The following BAHCC1 variants were observed in gnomAD, a reference collection of about 807,000 sequenced individuals.
BAHCC1 encodes BAH and coiled-coil domain-containing protein 1.
Under a neutral mutation model 88.2 loss-of-function variants are expected in BAHCC1, and 43 were observed. The ratio of observed to expected loss-of-function variants is 0.49; its 90% CI spans 0.38 to 0.63. The LOEUF (loss-of-function observed/expected upper bound fraction) is 0.63, where lower values mean the gene tolerates loss of function less well. BAHCC1 is among the 20% of genes least tolerant of loss of function. The probability of loss-of-function intolerance (pLI) is 0.00; values close to 1 mark genes in which losing one functional copy is unlikely to be tolerated. For missense variants in BAHCC1, 3,023 were observed against 1,654.8 expected (o/e 1.83, Z -14.34); for synonymous variants, 1,510 against 745.5 (o/e 2.03, Z -16.71).
At chr17:81,407,722 A>G (rs1167760861) in intron 2 of BAHCC1, among the ~76,000 whole-genome samples, 1 of 152,224 alleles carries the variant, frequency 6.6e-6, no homozygotes, top group Non-Finnish European at 1.5e-5. Context: ...AGACCCCAGT[A>G]AGGATATCCC....
rs1227211980 is a variant in BAHCC1, at chr17:81,447,693, C to T, written c.3821C>T (p.Pro1274Leu). The T allele has an allele frequency of 5.4e-6, 4 of 735,698 alleles. No individual in the cohort carries two copies. The highest frequency in any genetic ancestry group is 1.0e-5 in the Non-Finnish European group (4 of 396,066). The allele number at this position is 735,698 out of a possible 1,614,324, so 45.6% of individuals were successfully genotyped here. The change falls in exon 11 of 28, where the codon CCC becomes CTC. Residue 1274 changes from proline (P) to leucine (L), a missense_variant. Coordinates refer to ENST00000675386, the MANE Select transcript of BAHCC1 (RefSeq NM_001377448.1). ...VAATINLGDL[P>L]SDSPPDPQPP... Reference sequence around the variant, plus strand: ...GCCACCATCAACCTGGGGGACCTGCCCAGCGACAGCCCACCGGACCCTCAG... The same window carrying T: ...GCCACCATCAACCTGGGGGACCTGCTCAGCGACAGCCCACCGGACCCTCAG...
intron 24 of BAHCC1, 55 bp from the exon 25 acceptor site, chr17:81,460,475 G>T: frequency 1.4e-6 from 1 of 726,362 alleles, no homozygotes; most frequent in African/African-American, 1.7e-5. Context: ...AAGGGTTGGG[G>T]TGGCAGTCAC....
At chr17:81,451,926 C>T (rs782460601) in intron 12 of BAHCC1, 45 bp from the exon 13 acceptor site, 9 of 645,780 alleles carry the variant, frequency 1.4e-5, no homozygotes, top group Non-Finnish European at 2.3e-5. Context: ...GAGCCCCAGC[C>T]TGGGCCCTGG....
intron 18 of BAHCC1, 64 bp downstream of exon 18, chr17:81,458,530 G>A (rs1245642687): frequency 1.8e-5 from 12 of 651,364 alleles, no homozygotes; most frequent in East Asian, 1.6e-4. Context: ...GGCCTTCCCC[G>A]CCCTCCCCCG....
In BAHCC1 at chr17:81,435,363, C is replaced by T. The variant is rs2064321170; in HGVS notation, c.359-3007C>T. 1.1e-5 allele frequency: 5 copies of T among 456,026 alleles called. No individual in the cohort carries two copies. The highest frequency in any genetic ancestry group is 4.7e-5 in the South Asian group (3 of 64,072). The allele number at this position is 456,026 out of a possible 1,614,324, so 28.2% of individuals were successfully genotyped here. On this transcript the variant is annotated intron_variant, in intron 3 of 27. Transcript: ENST00000675386. The surrounding 1 kb of genome is among the most constrained non-coding windows in gnomAD (Gnocchi z 4.4). ...ACTGAGTTTGGAGTCTCCTGCCCACCGCAGTAGCAGGGGCAGGATGTGGGG... is the reference window on the plus strand; with the variant it reads ...ACTGAGTTTGGAGTCTCCTGCCCACTGCAGTAGCAGGGGCAGGATGTGGGG...
At position 81,460,371 on chromosome 17, in the gene BAHCC1, G is replaced by A; in HGVS notation, c.6000G>A (p.Leu2000=). 1.3e-6 allele frequency: 1 copy of A among 770,050 alleles called. No homozygotes were observed. The highest frequency in any genetic ancestry group is 2.5e-5 in the East Asian group (1 of 40,722). The allele number at this position is 770,050 out of a possible 1,614,324, so 47.7% of individuals were successfully genotyped here. A position where few individuals can be genotyped will look rare whatever the true frequency, so the allele number is the denominator to read the frequency against. The change falls in exon 24 of 28, where the codon CTG becomes CTA. Residue 2000 remains leucine (L), a synonymous_variant. Transcript: ENST00000675386. The stretch of plus-strand genomic sequence containing the variant: ...ACATCGCCGTCTCCAACGTCAGGCT[G>A]CTGCCCCCTGACTTCAAGATCCAGT... The part of the protein sequence containing the change: ...TGHIAVSNVR[L]LPPDFKIQCT...
At chr17:81,401,128 G>A (rs2143175643) in intron 2 of BAHCC1, 1 of 152,396 alleles carries the variant, frequency 6.6e-6, no homozygotes, top group Non-Finnish European at 1.5e-5. Flanking sequence ...ACGGATGGCA[G>A]AGACGGGGCT....
chr17:81,421,623 A>G (rs2064116489), intron 2 of BAHCC1, among the ~76,000 whole-genome samples: 1 of 152,152 alleles, frequency 6.6e-6, no homozygotes, highest in Non-Finnish European at 1.5e-5. Flanking sequence ...GGAGAAATCC[A>G]CGCCTTTAGA....
chr17:81,410,729 C>T (rs12938984), intron 2 of BAHCC1, among the ~76,000 whole-genome samples: 1 of 152,024 alleles, frequency 6.6e-6, no homozygotes, highest in African/African-American at 2.4e-5. Flanking sequence ...AGAGAGCTTC[C>T]CAGTGGCAGA....
At chr17:81,398,815 G>A (rs1420573063) in intron 1 of BAHCC1, among the ~76,000 whole-genome samples, 2 of 152,076 alleles carry the variant, frequency 1.3e-5, no homozygotes, top group African/African-American at 2.4e-5. Flanking sequence ...GTCCTAGCGC[G>A]ATGCTGGGGA....
At chr17:81,415,146 A>T (rs2064003895) in intron 2 of BAHCC1, among the ~76,000 whole-genome samples, 1 of 152,264 alleles carries the variant, frequency 6.6e-6, no homozygotes, top group Middle Eastern at 3.4e-3. Context: ...GGAGGAGGGC[A>T]CCTGGCCGTG....
At position 81,461,579 on chromosome 17, in the gene BAHCC1, G is replaced by A. The variant is rs370746071; in HGVS notation, c.6916G>A (p.Val2306Met). 25 of 719,756 alleles carry A rather than the reference G, an allele frequency of 3.5e-5. No individual in the cohort carries two copies. The highest frequency in any genetic ancestry group is 2.3e-4 in the Middle Eastern group (1 of 4,360). The allele number at this position is 719,756 out of a possible 1,614,324, so 44.6% of individuals were successfully genotyped here. ...GGACGGGCCGGGGCTGGCGGCCGGC[G>A]TGCCCTCCCGCTTCCTCGCCCGCCT... ...DEDGPGLAAG[V>M]PSRFLARLSV... Residue 2306 changes from valine (V) to methionine (M), a missense_variant, in exon 26 of 28, where the codon GTG (valine) becomes ATG (methionine). Transcript: ENST00000675386.
intron 2 of BAHCC1, among the ~76,000 whole-genome samples, chr17:81,424,096 C>T (rs1214135457): frequency 1.3e-5 from 2 of 152,246 alleles, no homozygotes; most frequent in South Asian, 2.1e-4. Flanking sequence ...ACCCTTCCTT[C>T]CTCTGTCCCC....
At chr17:81,438,707 C>G (rs2064371929) in intron 4 of BAHCC1, among the ~76,000 whole-genome samples, 1 of 152,176 alleles carries the variant, frequency 6.6e-6, no homozygotes, top group Non-Finnish European at 1.5e-5. Context: ...GTTCAGTTCC[C>G]AGGTCACGCT....
chr17:81,441,149 G>T (rs1260542272), intron 4 of BAHCC1, among the ~76,000 whole-genome samples: 1 of 152,218 alleles, frequency 6.6e-6, no homozygotes, highest in East Asian at 1.9e-4. Flanking sequence ...ACTGGCCTCG[G>T]GTTTGCATCT....
chr17:81,428,774 AGCTG>A (rs2064228523), intron 3 of BAHCC1, among the ~76,000 whole-genome samples: 1 of 152,152 alleles, frequency 6.6e-6, no homozygotes, highest in Non-Finnish European at 1.5e-5. Flanking sequence ...GCCTGGGCGG[AGCTG>A]CCCACATCCC....
rs1555659117 is a variant in BAHCC1, at chr17:81,461,073, C to T, written c.6410C>T (p.Ala2137Val). 1 of 770,048 alleles carries T rather than the reference C, an allele frequency of 1.3e-6. No homozygotes were observed. The highest frequency in any genetic ancestry group is 2.4e-6 in the Non-Finnish European group (1 of 416,944). 47.7% of individuals were successfully genotyped at this position (770,048 alleles called of 1,614,324 possible). A position where few individuals can be genotyped will look rare whatever the true frequency, so the allele number is the denominator to read the frequency against. Residue 2137 changes from alanine (A) to valine (V), a missense_variant, in exon 26 of 28, where the codon GCC becomes GTC. Transcript: ENST00000675386. ...GSSKKLRARE[A>V]LFPVHSVATP... ...AGCAAGAAGCTGCGGGCCCGCGAGG[C>T]CCTGTTCCCCGTGCACAGCGTGGCC...
rs782619473 is a variant in BAHCC1, at chr17:81,442,862, C to T, written c.1513C>T (p.Arg505Trp). 4 of 779,454 alleles carry T rather than the reference C, an allele frequency of 5.1e-6. No individual in the cohort carries two copies. Among genetic ancestry groups the T allele is most frequent in the South Asian group, 2.7e-5 (2 of 74,618 alleles). 48.3% of individuals were successfully genotyped at this position (779,454 alleles called of 1,614,324 possible). ...ELPTSSQDCA[R>W]PGHQDPLGGK... ...GCCCACCTCTTCACAGGACTGTGCCCGGCCTGGTCACCAGGACCCGCTGGG... is the reference window on the plus strand; with the variant it reads ...GCCCACCTCTTCACAGGACTGTGCCTGGCCTGGTCACCAGGACCCGCTGGG... Residue 505 changes from arginine to tryptophan, a missense_variant, in exon 5 of 28, where the codon CGG (arginine) becomes TGG (tryptophan). Coordinates refer to ENST00000675386, the MANE Select transcript of BAHCC1 (RefSeq NM_001377448.1).
intron 15 of BAHCC1, among the ~76,000 whole-genome samples, chr17:81,455,933 A>G (rs1310071033): frequency 6.6e-6 from 1 of 152,080 alleles, no homozygotes; most frequent in Non-Finnish European, 1.5e-5. Context: ...GGGCCCCAGC[A>G]TACTTCACCT....
Sources: allele counts gnomAD v4.1 joint callset (sites outside exome capture counted in the v4.1 genomes callset), GRCh38; gene constraint gnomAD v4.1.1; non-coding constraint Gnocchi (gnomAD v3.1); transcripts MANE v1.5; gene names NCBI Gene and HGNC (gene_info 2026-07-23, HGNC 2026-07-21).